Variants in DENND4B observed in about 807,000 individuals in gnomAD.
DENND4B encodes the protein DENN domain-containing protein 4B.
A neutral mutation model predicts 161.0 loss-of-function variants in DENND4B; 67 were observed. The ratio of observed to expected loss-of-function variants is 0.42; its 90% confidence interval spans 0.34 to 0.51. DENND4B has a LOEUF of 0.51. DENND4B is among the 20% of genes least tolerant of loss of function. The probability of loss-of-function intolerance (pLI) is 0.08; values close to 1 mark genes in which losing one functional copy is unlikely to be tolerated. For missense variants in DENND4B, 1,481 were observed against 1,968.0 expected (o/e 0.75, Z 4.68); for synonymous variants, 753 against 813.8 (o/e 0.93, Z 1.27).
At chr1:153,941,778 C>CGGGGGGG in intron 6 of DENND4B, 91 bp downstream of exon 6, 1 of 581,502 alleles carries the variant, frequency 1.7e-6, no homozygotes, top group Non-Finnish European at 3.1e-6. Flanking sequence ...GTGCCCAGCC[C>CGGGGGGG]TCCCCCCACC....
chr1:153,934,853 G>C lies in DENND4B; in HGVS notation c.2680C>G (p.Arg894Gly). ...AAQFRQPLRE[R>G]QQQQQQQQQQ... ...TGTTGCTGCTGCTGCTGCTGTTGCCGTTCTCTCAAGGGCTGGCGGAACTGA... is the reference window on the plus strand; with the variant it reads ...TGTTGCTGCTGCTGCTGCTGTTGCCCTTCTCTCAAGGGCTGGCGGAACTGA... Residue 894 changes from arginine to glycine, a missense_variant, in exon 18 of 28, where the codon CGG (arginine) becomes GGG (glycine). Arg to Gly is a moderately radical substitution (Grantham distance 125, BLOSUM62 -2). Coordinates refer to ENST00000361217, the MANE Select transcript of DENND4B (RefSeq NM_014856.3). The surrounding 1 kb of genome is among the most constrained non-coding windows in gnomAD (Gnocchi z 5.3). 2 of 1,613,562 alleles carry C rather than the reference G, an allele frequency of 1.2e-6. No homozygotes were observed. The highest frequency in any genetic ancestry group is 1.7e-6 in the Non-Finnish European group (2 of 1,179,892).
rs1679173732 is a variant in DENND4B at position 153,934,215 on chromosome 1, G to A, written c.2861C>T (p.Pro954Leu). ...AGRSLRDPASPPGRLVKSGSL... is the reference protein window; with the variant it reads ...AGRSLRDPASLPGRLVKSGSL... ...ACCACTCTTCACCAGGCGTCCAGGG[G>A]GTGAGGCTGGGTCTCTCAGACTTCG... The change falls in exon 19 of 28, where the codon CCC (proline) becomes CTC (leucine). Residue 954 changes from proline (P) to leucine (L), a missense_variant. By Grantham distance (98) the Pro-to-Leu change is moderately conservative (BLOSUM62 -3). Transcript: ENST00000361217. This position sits in a 1 kb window ranked among gnomAD's most constrained non-coding sequence, Gnocchi z 5.3. 6.2e-7 allele frequency: 1 copy of A among 1,605,454 alleles called. No individual in the cohort carries two copies.
In DENND4B at chr1:153,937,670, G is replaced by A. The variant is rs1251832885; in HGVS notation, c.2105+54C>T. ...CAGTCAGCACAGGGCGAAGCGAGTT[G>A]GACTGGACCAGTCTATGGGACCCTG... On this transcript the variant is annotated intron_variant, in intron 14 of 27. Coordinates refer to ENST00000361217, the MANE Select transcript of DENND4B (RefSeq NM_014856.3). The surrounding 1 kb of genome is among the most constrained non-coding windows in gnomAD (Gnocchi z 4.7). The A allele has an allele frequency of 2.5e-6, 4 of 1,613,176 alleles. No homozygotes were observed. Among genetic ancestry groups the A allele is most frequent in the African/African-American group, 2.7e-5 (2 of 74,924 alleles).
In DENND4B at chr1:153,932,558, A is replaced by C; in HGVS notation, c.3759+84T>G. On this transcript the variant is annotated intron_variant, in intron 23 of 27. Coordinates refer to ENST00000361217, the MANE Select transcript of DENND4B (RefSeq NM_014856.3). The surrounding 1 kb of genome is among the most constrained non-coding windows in gnomAD (Gnocchi z 5.8). ...TGCCCCTTGCCCTCAAGGGCAAGAG[A>C]TGTGCCCATCTCTCCCTGGCACCCC... The C allele has an allele frequency of 6.4e-7, 1 of 1,567,322 alleles. No individual in the cohort carries two copies. Among genetic ancestry groups the C allele is most frequent in the Non-Finnish European group, 8.7e-7 (1 of 1,155,232 alleles).
At chr1:153,939,484 T>C (rs948848017) in intron 12 of DENND4B, 105 bp downstream of exon 12, 1 of 1,283,192 alleles carries the variant, frequency 7.8e-7, no homozygotes, top group Non-Finnish European at 1.1e-6. Flanking sequence ...AGTGAAGGAA[T>C]AAACAATGGA....
At position 153,934,232 on chromosome 1, in the gene DENND4B, C is replaced by T; in HGVS notation, c.2844G>A (p.Leu948=). Residue 948 remains leucine, a synonymous_variant, in exon 19 of 28, where the codon CTG becomes CTA. Transcript: ENST00000361217. The surrounding 1 kb of genome is among the most constrained non-coding windows in gnomAD (Gnocchi z 5.3). ...QRQTTWAGRS[L]RDPASPPGRL... ...GTCCAGGGGGTGAGGCTGGGTCTCT[C>T]AGACTTCGCCCAGCCCAAGTAGTCT... 6.2e-7 allele frequency: 1 copy of T among 1,602,498 alleles called. No homozygotes were observed. Among genetic ancestry groups the T allele is most frequent in the South Asian group, 1.1e-5 (1 of 89,294 alleles).
At position 153,946,428 on chromosome 1, in the gene DENND4B, G is replaced by A. The variant is rs965673906; in HGVS notation, c.-151C>T. 2.6e-6 allele frequency: 1 copy of A among 387,022 alleles called. No individual in the cohort carries two copies. The highest frequency in any genetic ancestry group is 2.1e-5 in the African/African-American group (1 of 48,058). 24.0% of individuals were successfully genotyped at this position (387,022 alleles called of 1,614,324 possible). On this transcript the variant is annotated 5_prime_UTR_variant, in exon 1 of 28. Coordinates refer to ENST00000361217, the MANE Select transcript of DENND4B (RefSeq NM_014856.3). The surrounding 1 kb of genome is among the most constrained non-coding windows in gnomAD (Gnocchi z 6.3). The stretch of plus-strand genomic sequence containing the variant: ...CCCGACTTGGGCGCCGCTCCCGCCC[G>A]GGCAGTGAGTGAAGGAAGAAGAGGC...
At chr1:153,931,622 C>T (rs1365653707) in intron 24 of DENND4B, among the ~76,000 whole-genome samples, 6 of 151,816 alleles carry the variant, frequency 4.0e-5, no homozygotes, top group Non-Finnish European at 5.9e-5. Context: ...CTCAGCCTCC[C>T]GAGTAGCTGG....
Position 153,941,368 on chromosome 1 carries a change from T to C in DENND4B, c.1122+6A>G, listed in dbSNP as rs762818698. On this transcript the variant is annotated splice_donor_region_variant and intron_variant, in intron 7 of 27. Coordinates refer to ENST00000361217, the MANE Select transcript of DENND4B (RefSeq NM_014856.3). ...CCATCAGCCCGGCCCCAGCCTCAGC[T>C]CTCACCTGCACTAGGATGCGGGGTC... The C allele has an allele frequency of 1.9e-6, 3 of 1,613,200 alleles. No homozygotes were observed. The highest frequency in any genetic ancestry group is 2.5e-6 in the Non-Finnish European group (3 of 1,179,658).
At chr1:153,939,147 C>G in intron 12 of DENND4B, 102 bp from the exon 13 acceptor site, 1 of 1,418,658 alleles carries the variant, frequency 7.0e-7, no homozygotes, top group South Asian at 1.3e-5. Context: ...CCACTCAGGC[C>G]CAAAGCCATA....
rs780379512 is a variant in DENND4B, at chr1:153,939,683, G to C, written c.1725C>G (p.Ala575=). The C allele has an allele frequency of 1.2e-6, 2 of 1,613,992 alleles. No homozygotes were observed. Among genetic ancestry groups the C allele is most frequent in the South Asian group, 2.2e-5 (2 of 91,090 alleles). ...AGACCCGGTAGCCCTTGAGCAGACA[G>C]GCCATGAAGCGGAGGAAGGCTCCTT... ...EVQGAFLRFM[A]CLLKGYRVFL... is the part of the protein sequence containing the mutation. Residue 575 remains alanine, a synonymous_variant, in exon 12 of 28, where the codon GCC becomes GCG. Coordinates refer to ENST00000361217, the MANE Select transcript of DENND4B (RefSeq NM_014856.3).
Position 153,929,971 on chromosome 1 carries a change from C to A in DENND4B, c.*326G>T. On this transcript the variant is annotated 3_prime_UTR_variant, in exon 28 of 28. Transcript: ENST00000361217. ...TTCCAGTTGTTTTTTAAAACAAAAA[C>A]TTCTAAAATGACCAGGGCAATGCAG... 3.9e-6 allele frequency: 1 copy of A among 253,652 alleles called. No individual in the cohort carries two copies. The highest frequency in any genetic ancestry group is 2.2e-5 in the African/African-American group (1 of 44,850). The allele number at this position is 253,652 out of a possible 1,614,324, so 15.7% of individuals were successfully genotyped here.
In DENND4B at chr1:153,936,012, C is replaced by A; in HGVS notation, c.2568+48G>T. On this transcript the variant is annotated intron_variant, in intron 17 of 27. Coordinates refer to ENST00000361217, the MANE Select transcript of DENND4B (RefSeq NM_014856.3). The surrounding 1 kb of genome is among the most constrained non-coding windows in gnomAD (Gnocchi z 4.1). ...GGGGAGCAGCAGCAGCCTCCCCTCA[C>A]ACACCCTGGCACAGCTGCCATCCCA... 6.2e-7 allele frequency: 1 copy of A among 1,605,964 alleles called. No homozygotes were observed. The highest frequency in any genetic ancestry group is 1.1e-5 in the South Asian group (1 of 89,634).
At position 153,937,981 on chromosome 1, in the gene DENND4B, G is replaced by A; in HGVS notation, c.1966-118C>T. On this transcript the variant is annotated intron_variant, in intron 13 of 27. Transcript: ENST00000361217. The surrounding 1 kb of genome is among the most constrained non-coding windows in gnomAD (Gnocchi z 4.7). ...TCCACAAGGAAAGAGACACAGCCTGGGAAGATGGCGTCAGGAACGGGAGGA... is the reference window on the plus strand; with the variant it reads ...TCCACAAGGAAAGAGACACAGCCTGAGAAGATGGCGTCAGGAACGGGAGGA... 2 of 1,440,218 alleles carry A rather than the reference G, an allele frequency of 1.4e-6. No individual in the cohort carries two copies. Among genetic ancestry groups the A allele is most frequent in the South Asian group, 1.3e-5 (1 of 79,878 alleles). The allele number at this position is 1,440,218 out of a possible 1,614,324, so 89.2% of individuals were successfully genotyped here. A position where few individuals can be genotyped will look rare whatever the true frequency, so the allele number is the denominator to read the frequency against.
chr1:153,946,801 C>G (rs1006598515), upstream of DENND4B: 3 of 363,430 alleles, frequency 8.3e-6, no homozygotes, highest in Admixed American at 4.7e-5. The surrounding 1 kb of genome is among the most constrained non-coding windows in gnomAD (Gnocchi z 6.3). Flanking sequence ...CCATCCAGCC[C>G]GTGCCTCAGG....
Position 153,934,242 on chromosome 1 carries a change from C to A in DENND4B, c.2834G>T (p.Gly945Val). 6.2e-7 allele frequency: 1 copy of A among 1,600,968 alleles called. No homozygotes were observed. The highest frequency in any genetic ancestry group is 8.5e-7 in the Non-Finnish European group (1 of 1,174,482). Residue 945 changes from glycine to valine, a missense_variant, in exon 19 of 28, where the codon GGG becomes GTG. Coordinates refer to ENST00000361217, the MANE Select transcript of DENND4B (RefSeq NM_014856.3). This position sits in a 1 kb window ranked among gnomAD's most constrained non-coding sequence, Gnocchi z 5.3. ...RPLQRQTTWA[G>V]RSLRDPASPP... ...TGAGGCTGGGTCTCTCAGACTTCGC[C>A]CAGCCCAAGTAGTCTGGCGCTGAAG...
Position 153,930,686 on chromosome 1 carries a change from C to A in DENND4B, c.4280+6G>T. On this transcript the variant is annotated splice_donor_region_variant and intron_variant, in intron 26 of 27. Transcript: ENST00000361217. This position sits in a 1 kb window ranked among gnomAD's most constrained non-coding sequence, Gnocchi z 4.7. Reference sequence around the variant, plus strand: ...ACCAGGGATCACCCAGATGGTAGCACCATACCTCTGCAGGTGCAGGCCAGT... The same window carrying A: ...ACCAGGGATCACCCAGATGGTAGCAACATACCTCTGCAGGTGCAGGCCAGT... The A allele has an allele frequency of 1.2e-6, 2 of 1,612,902 alleles. No homozygotes were observed. The highest frequency in any genetic ancestry group is 1.7e-6 in the Non-Finnish European group (2 of 1,179,272).
In DENND4B at chr1:153,936,397, G is replaced by A. The variant is rs750391003; in HGVS notation, c.2439+145C>T. On this transcript the variant is annotated intron_variant, in intron 16 of 27. Coordinates refer to ENST00000361217, the MANE Select transcript of DENND4B (RefSeq NM_014856.3). The surrounding 1 kb of genome is among the most constrained non-coding windows in gnomAD (Gnocchi z 4.1). ...AAACCCTGAACATGCTTATTCACTCGACGAATGTTTATAGATAATCTGCCC... is the reference window on the plus strand; with the variant it reads ...AAACCCTGAACATGCTTATTCACTCAACGAATGTTTATAGATAATCTGCCC... 16 of 1,144,350 alleles carry A rather than the reference G, an allele frequency of 1.4e-5. No individual in the cohort carries two copies. In the African/African-American group the frequency reaches 1.6e-4, roughly 11 times the overall value. 70.9% of individuals were successfully genotyped at this position (1,144,350 alleles called of 1,614,324 possible). A position where few individuals can be genotyped will look rare whatever the true frequency, so the allele number is the denominator to read the frequency against.
Position 153,944,335 on chromosome 1 carries a change from C to T in DENND4B, c.40G>A (p.Val14Met), listed in dbSNP as rs574910044. 2.5e-5 allele frequency: 41 copies of T among 1,608,864 alleles called. No homozygotes were observed. In the East Asian group the frequency reaches 6.1e-4, roughly 24 times the overall value. The change falls in exon 2 of 28, where the codon GTG (valine) becomes ATG (methionine). Residue 14 changes from valine to methionine, a missense_variant. Val to Met is a conservative substitution (Grantham distance 21). Transcript: ENST00000361217. This position sits in a 1 kb window ranked among gnomAD's most constrained non-coding sequence, Gnocchi z 4.8. ...CCGTTCCCTGCAAGCCCAGCTACCA[C>T]GAAGTAATCCACCAGCCGGGGGGGC... Reference protein sequence around the residue: ...ERPPRLVDYFVVAGLAGNGAP... With the variant: ...ERPPRLVDYFMVAGLAGNGAP...
Sources: gnomAD v4.1 joint callset for allele counts (sites outside exome capture counted in the v4.1 genomes callset) on GRCh38, gnomAD v4.1.1 for gene constraint, Gnocchi (gnomAD v3.1) non-coding constraint, MANE v1.5 for transcripts, NCBI Gene and HGNC (gene_info 2026-07-23, HGNC 2026-07-21) for gene names.